The following THSD4 variants were observed in gnomAD, a reference collection of about 807,000 sequenced individuals.
THSD4 encodes thrombospondin type-1 domain-containing protein 4.
Under a neutral mutation model 119.0 loss-of-function variants are expected in THSD4, and 69 were observed. That is an observed-to-expected ratio of 0.58 (90% CI 0.48 to 0.71). The LOEUF (loss-of-function observed/expected upper bound fraction) is 0.71. THSD4 is among the 30% of genes least tolerant of loss of function. The pLI, the probability that THSD4 is intolerant of heterozygous loss-of-function variation, is 0.00. For synonymous variants in THSD4, 524 were observed against 540.4 expected (o/e 0.97, Z 0.42); for missense variants, 1,393 against 1,391.1 (o/e 1.00, Z -0.02).
intron 3 of THSD4, among the ~76,000 whole-genome samples, chr15:71,191,696 G>A (rs1012825385): frequency 2.0e-5 from 3 of 152,062 alleles, no homozygotes; most frequent in Non-Finnish European, 4.4e-5. Flanking sequence ...GCTGTACTTG[G>A]TTGTTCCCTC....
chr15:71,171,949 A>G (rs940746234), intron 3 of THSD4, among the ~76,000 whole-genome samples: 1 of 152,222 alleles, frequency 6.6e-6, no homozygotes, highest in Non-Finnish European at 1.5e-5. Flanking sequence ...ATACTGTGGT[A>G]AGTTAAAGAT....
At chr15:71,564,816 A>G (rs571639855) in intron 7 of THSD4, among the ~76,000 whole-genome samples, 1 of 10,640 alleles carries the variant, frequency 9.4e-5, no homozygotes, top group South Asian at 1.0e-3. Flanking sequence ...GTATATTATA[A>G]CATATAATAC....
At chr15:71,233,636 A>C (rs2044078815) in intron 4 of THSD4, among the ~76,000 whole-genome samples, 1 of 152,202 alleles carries the variant, frequency 6.6e-6, no homozygotes, top group Non-Finnish European at 1.5e-5. Flanking sequence ...GTACTCCAAT[A>C]TCTGAATGCA....
chr15:71,360,047 A>G (rs1448502379), intron 6 of THSD4, among the ~76,000 whole-genome samples: 3 of 152,016 alleles, frequency 2.0e-5, no homozygotes, highest in Non-Finnish European at 4.4e-5. Context: ...CAGCTGGGAG[A>G]TTCTTGCTTA....
At position 71,243,074 on chromosome 15, in the gene THSD4, A is replaced by G. The variant is rs776495292; in HGVS notation, c.890A>G (p.Gln297Arg). The G allele has an allele frequency of 2.5e-6, 4 of 1,613,824 alleles. No homozygotes were observed. The highest frequency in any genetic ancestry group is 2.7e-5 in the African/African-American group (2 of 75,050). Residue 297 changes from glutamine (Q) to arginine (R), a missense_variant, in exon 5 of 18, where the codon CAG becomes CGG. Gln to Arg is a conservative substitution (Grantham distance 43). Coordinates refer to ENST00000261862, the MANE Select transcript of THSD4 (RefSeq NM_024817.3). ...ATCTCATGCATCGGGGCCTATCGGC[A>G]GTACAAGCTGTGCAACACCAACGTG... is the stretch of plus-strand genomic sequence containing the variant. ...TAISCIGAYR[Q>R]YKLCNTNVCP...
chr15:71,572,931 TG>T lies in THSD4; in HGVS notation c.1153-87596del, dbSNP rs918734776. Among the ~76,000 whole-genome samples the T allele has an allele frequency of 2.6e-5, 4 of 152,094 alleles. No individual in the cohort carries two copies. The East Asian group carries it at 5.8e-4, about 22-fold the overall frequency. ...TGTTCTGGCCTGAGTTTAAGATACC[TG>T]GGAAGGCATGCCAGGAGCTGTTCCT... On this transcript the variant is annotated intron_variant, in intron 7 of 17. Coordinates refer to ENST00000261862, the MANE Select transcript of THSD4 (RefSeq NM_024817.3).
At chr15:71,353,935 C>A (rs1380994149) in intron 6 of THSD4, among the ~76,000 whole-genome samples, 2 of 152,128 alleles carry the variant, frequency 1.3e-5, no homozygotes, top group Non-Finnish European at 2.9e-5. Context: ...ATGAGATTGC[C>A]AGGTGATTGA....
chr15:71,727,579 T>TACACAC (rs2052880783), intron 8 of THSD4, among the ~76,000 whole-genome samples: 3 of 12,888 alleles, frequency 2.3e-4, no homozygotes, highest in African/African-American at 4.5e-4. Flanking sequence ...TATATATATA[T>TACACAC]ATATATATAC....
chr15:71,563,473 G>A (rs1426368554), intron 7 of THSD4, among the ~76,000 whole-genome samples: 2 of 152,090 alleles, frequency 1.3e-5, no homozygotes, highest in South Asian at 4.1e-4. Context: ...AGGTAAAGGC[G>A]GCCCTCTAAT....
chr15:71,641,456 C>T (rs1003209713), intron 7 of THSD4, among the ~76,000 whole-genome samples: 8 of 152,046 alleles, frequency 5.3e-5, no homozygotes, highest in African/African-American at 1.7e-4. Flanking sequence ...TGAACACTCA[C>T]TGTAGTCCAG....
chr15:71,428,104 C>A (rs558002595), intron 7 of THSD4, among the ~76,000 whole-genome samples: 1 of 152,122 alleles, frequency 6.6e-6, no homozygotes, highest in Non-Finnish European at 1.5e-5. Context: ...GAGAAAAGTC[C>A]TCTGGGCCAG....
At chr15:71,443,337 C>G (rs942927330) in intron 7 of THSD4, among the ~76,000 whole-genome samples, 1 of 152,094 alleles carries the variant, frequency 6.6e-6, no homozygotes, top group African/African-American at 2.4e-5. Context: ...TGTTTGTGAC[C>G]GAAAGGTGAA....
At chr15:71,728,399 T>C in intron 8 of THSD4, 150 bp from the exon 9 acceptor site, 2 of 895,976 alleles carry the variant, frequency 2.2e-6, no homozygotes, top group South Asian at 1.7e-5. Flanking sequence ...AGATGCCTAA[T>C]GGCGCCCCAG....
intron 8 of THSD4, among the ~76,000 whole-genome samples, chr15:71,706,991 G>A (rs571776274): frequency 2.3e-4 from 35 of 152,136 alleles, no homozygotes; most frequent in African/African-American, 8.0e-4. Context: ...GAAGGGATGC[G>A]TGACAGAGGA....
intron 7 of THSD4, among the ~76,000 whole-genome samples, chr15:71,505,858 G>A (rs1242224137): frequency 2.0e-5 from 3 of 152,210 alleles, no homozygotes; most frequent in African/African-American, 7.2e-5. Context: ...AAGTGGGCTG[G>A]TTCTCTTTGT....
chr15:71,333,295 G>A (rs1005278342), intron 6 of THSD4, among the ~76,000 whole-genome samples: 3 of 152,084 alleles, frequency 2.0e-5, no homozygotes, highest in African/African-American at 7.2e-5. Context: ...TTCAGAGCAG[G>A]CATTTATGGG....
chr15:71,453,899 A>G (rs1243306878), intron 7 of THSD4, among the ~76,000 whole-genome samples: 2 of 152,188 alleles, frequency 1.3e-5, no homozygotes, highest in Admixed American at 6.5e-5. Flanking sequence ...CCTGGTTTCC[A>G]TGGTGGGGGC....
intron 10 of THSD4, among the ~76,000 whole-genome samples, chr15:71,736,772 T>C (rs2053120965): frequency 6.6e-6 from 1 of 152,222 alleles, no homozygotes; most frequent in South Asian, 2.1e-4. Context: ...AAGCCTAGGC[T>C]TTGCACTCTT....
At chr15:71,515,469 G>A (rs149101371) in intron 7 of THSD4, among the ~76,000 whole-genome samples, 9 of 152,298 alleles carry the variant, frequency 5.9e-5, no homozygotes, top group Non-Finnish European at 7.3e-5. Flanking sequence ...GTCCTTGTCT[G>A]TAGTTGTGTA....
Sources: gnomAD v4.1 joint callset for allele counts (sites outside exome capture counted in the v4.1 genomes callset) on GRCh38, gnomAD v4.1.1 for gene constraint, MANE v1.5 for transcripts, NCBI Gene and HGNC (gene_info 2026-07-23, HGNC 2026-07-21) for gene names.